TIGIT: variants seen among roughly 807,000 people sequenced by gnomAD.
TIGIT encodes the protein T-cell immunoreceptor with Ig and ITIM domains.
In TIGIT, 11 loss-of-function variants were observed where a neutral mutation model predicts 19.6. That is an observed-to-expected ratio of 0.56 (90% confidence interval 0.35 to 0.93). TIGIT has a LOEUF of 0.93. TIGIT is among the 40% of genes least tolerant of loss of function. The pLI is 0.01. For synonymous variants in TIGIT, 130 were observed against 125.5 expected (o/e 1.04, Z -0.24); for missense variants, 295 against 303.9 (o/e 0.97, Z 0.22).
At chr3:114,304,169 A>G (rs1279920598) in intron 3 of TIGIT, among the ~76,000 whole-genome samples, 1 of 151,908 alleles carries the variant, frequency 6.6e-6, no homozygotes, top group African/African-American at 2.4e-5. Context: ...TTGGATATAT[A>G]ATTTACAAAT....
chr3:114,299,449 A>G, intron 2 of TIGIT, 148 bp from the exon 3 acceptor site: 1 of 613,552 alleles, frequency 1.6e-6, no homozygotes, highest in African/African-American at 1.8e-5. Flanking sequence ...TCTGCTGTTC[A>G]AAGTGTTGGG....
intron 1 of TIGIT, among the ~76,000 whole-genome samples, chr3:114,295,204 A>G (rs919825638): frequency 6.6e-6 from 1 of 152,074 alleles, no homozygotes; most frequent in Non-Finnish European, 1.5e-5. Context: ...GGCGAGGTGT[A>G]AAGAGGGGCA....
chr3:114,308,043 G>C lies in TIGIT; in HGVS notation c.647G>C (p.Gly216Ala), dbSNP rs1210010014. 1 of 1,614,054 alleles carries C rather than the reference G, an allele frequency of 6.2e-7. No individual in the cohort carries two copies. The highest frequency in any genetic ancestry group is 2.2e-5 in the East Asian group (1 of 44,888). Residue 216 changes from glycine to alanine, a missense_variant, in exon 4 of 4, where the codon GGA (glycine) becomes GCA (alanine). By Grantham distance (60) the Gly-to-Ala change is moderately conservative. Transcript: ENST00000383671. ...APAGLCGEQR[G>A]EDCAELHDYF... is the part of the protein sequence containing the mutation. ...GCTGGGCTCTGTGGAGAGCAGCGGG[G>C]AGAGGACTGTGCCGAGCTGCATGAC... is the stretch of plus-strand genomic sequence containing the variant.
At chr3:114,304,419 C>A (rs766218211) in intron 3 of TIGIT, among the ~76,000 whole-genome samples, 2 of 152,146 alleles carry the variant, frequency 1.3e-5, no homozygotes, top group Non-Finnish European at 2.9e-5. Context: ...CATAGTTTGC[C>A]AAAGCAGTGT....
In TIGIT at chr3:114,308,417, C is replaced by A; in HGVS notation, c.*286C>A. On this transcript the variant is annotated 3_prime_UTR_variant, in exon 4 of 4. Coordinates refer to ENST00000383671, the MANE Select transcript of TIGIT (RefSeq NM_173799.4). ...CTGGTTTTAAATCTGGCAGTTTGAG[C>A]AGATCCTATGTCTCTGAGAGACACA... is the stretch of plus-strand genomic sequence containing the variant. The A allele has an allele frequency of 3.2e-6, 1 of 309,256 alleles. No individual in the cohort carries two copies. The highest frequency in any genetic ancestry group is 6.1e-6 in the Non-Finnish European group (1 of 164,208). 19.2% of individuals were successfully genotyped at this position (309,256 alleles called of 1,614,324 possible). A position where few individuals can be genotyped will look rare whatever the true frequency, so the allele number is the denominator to read the frequency against.
At chr3:114,306,987 A>G (rs765616708) in intron 3 of TIGIT, among the ~76,000 whole-genome samples, 1 of 152,232 alleles carries the variant, frequency 6.6e-6, no homozygotes, top group African/African-American at 2.4e-5. Context: ...GTCCAGAGAC[A>G]GTGAGGATGA....
rs146957667 is a variant in TIGIT, at chr3:114,299,652, G to A, written c.447G>A (p.Thr149=). The A allele has an allele frequency of 1.0e-4, 169 of 1,613,300 alleles. No individual in the cohort carries two copies. Among genetic ancestry groups the A allele is most frequent in the South Asian group, 4.1e-4 (37 of 91,078 alleles). The change falls in exon 3 of 4, where the codon ACG becomes ACA. Residue 149 remains threonine, a synonymous_variant. Transcript: ENST00000383671. The part of the protein sequence containing the change: ...QIPLLGAMAA[T]LVVICTAVIV... ...CATTGCTTGGAGCCATGGCCGCGAC[G>A]CTGGTGGTCATCTGCACAGCAGTCA...
rs2078560931 is a variant in TIGIT, at chr3:114,309,926, C to T, written c.*1795C>T. On this transcript the variant is annotated 3_prime_UTR_variant, in exon 4 of 4. Coordinates refer to ENST00000383671, the MANE Select transcript of TIGIT (RefSeq NM_173799.4). ...GGGATGGTGATAAAATACAAAAGGG[C>T]CTATAGATGTTAGAAATGGGTCAGG... 6.6e-6 allele frequency: 1 copy of T among 151,878 alleles called. No individual in the cohort carries two copies. Among genetic ancestry groups the T allele is most frequent in the Non-Finnish European group, 1.5e-5 (1 of 67,992 alleles). 9.4% of individuals were successfully genotyped at this position (151,878 alleles called of 1,614,324 possible).
intron 2 of TIGIT, chr3:114,296,156 A>G (rs1320330034): frequency 5.8e-6 from 2 of 347,284 alleles, no homozygotes; most frequent in Non-Finnish European, 1.0e-5. Flanking sequence ...CATCTTACCT[A>G]TATTTCCTAG....
chr3:114,298,368 C>T (rs2078468337), intron 2 of TIGIT, among the ~76,000 whole-genome samples: 1 of 152,212 alleles, frequency 6.6e-6, no homozygotes, highest in Admixed American at 6.5e-5. Context: ...TAACCAAACT[C>T]ATTATCATAA....
In TIGIT at chr3:114,310,123, A is replaced by C. The variant is rs2078562303; in HGVS notation, c.*1992A>C. The C allele has an allele frequency of 6.6e-6, 1 of 152,218 alleles. No individual in the cohort carries two copies. Among genetic ancestry groups the C allele is most frequent in the Non-Finnish European group, 1.5e-5 (1 of 68,040 alleles). 9.4% of individuals were successfully genotyped at this position (152,218 alleles called of 1,614,324 possible). A position where few individuals can be genotyped will look rare whatever the true frequency, so the allele number is the denominator to read the frequency against. On this transcript the variant is annotated 3_prime_UTR_variant, in exon 4 of 4. Transcript: ENST00000383671. Reference sequence around the variant, plus strand: ...GCCATCAACCACTTAAGATGGGGTTAGTTTAAATCAAGATGTGCTGTTATA... The same window carrying C: ...GCCATCAACCACTTAAGATGGGGTTCGTTTAAATCAAGATGTGCTGTTATA...
intron 3 of TIGIT, among the ~76,000 whole-genome samples, chr3:114,301,237 A>G (rs1455070387): frequency 2.6e-5 from 4 of 152,106 alleles, no homozygotes; most frequent in East Asian, 1.9e-4. Context: ...TTTACCCCAG[A>G]CCCTCCACCT....
intron 2 of TIGIT, among the ~76,000 whole-genome samples, chr3:114,296,750 T>A (rs2078455907): frequency 9.2e-5 from 14 of 152,196 alleles, no homozygotes. Flanking sequence ...AACACAGATG[T>A]TTTTGTTCTA....
At chr3:114,300,107 G>A (rs1576138903) in intron 3 of TIGIT, among the ~76,000 whole-genome samples, 1 of 152,316 alleles carries the variant, frequency 6.6e-6, no homozygotes, top group East Asian at 1.9e-4. Flanking sequence ...TACCCAGCAT[G>A]TCTGTAGAAT....
In TIGIT at chr3:114,295,861, CCT is replaced by C. The variant is rs777236098; in HGVS notation, c.379_380del (p.Leu127ArgfsTer6). 8 of 1,599,532 alleles carry C rather than the reference CCT, an allele frequency of 5.0e-6. No homozygotes were observed. The South Asian group carries it at 6.7e-5, about 13-fold the overall frequency. ...ACACTGGGAGAATCTTCCTGGAGGT[CCT>C]AGAAAGCTCAGGTATTCCTGCTGGA... ...TYTGRIFLEV[L>X]ESSVAEHGAR... On this transcript the variant is annotated frameshift_variant, in exon 2 of 4. Transcript: ENST00000383671. LOFTEE classifies it high-confidence loss of function.
At chr3:114,300,884 A>G (rs2078487913) in intron 3 of TIGIT, among the ~76,000 whole-genome samples, 1 of 152,278 alleles carries the variant, frequency 6.6e-6, no homozygotes, top group Non-Finnish European at 1.5e-5. Context: ...TCACCTCTTA[A>G]AAGCATTACC....
chr3:114,300,344 C>T (rs1471558658), intron 3 of TIGIT, among the ~76,000 whole-genome samples: 2 of 150,776 alleles, frequency 1.3e-5, no homozygotes, highest in East Asian at 3.9e-4. Context: ...TGCACTCCAG[C>T]GTGGGCAACA....
chr3:114,298,492 A>G (rs188303827), intron 2 of TIGIT, among the ~76,000 whole-genome samples: 75 of 152,268 alleles, frequency 4.9e-4, no homozygotes, highest in African/African-American at 1.7e-3. Flanking sequence ...CAAACTGATC[A>G]TATATCCTTT....
Position 114,305,852 on chromosome 3 carries a change from G to A in TIGIT, c.499-2043G>A, listed in dbSNP as rs2078530807. 2.7e-5 allele frequency among the ~76,000 whole-genome samples: 4 copies of A among 148,044 alleles called. No homozygotes were observed. The South Asian group carries it at 8.9e-4, about 33-fold the overall frequency. ...TGGTTGGATGGATGGATGGGTGGGT[G>A]GATGGATGGATGGATAGATAGATAG... is the stretch of plus-strand genomic sequence containing the variant. On this transcript the variant is annotated intron_variant, in intron 3 of 3. Coordinates refer to ENST00000383671, the MANE Select transcript of TIGIT (RefSeq NM_173799.4).
Sources: gnomAD v4.1 joint callset for allele counts (sites outside exome capture counted in the v4.1 genomes callset) on GRCh38, gnomAD v4.1.1 for gene constraint, MANE v1.5 for transcripts, NCBI Gene and HGNC (gene_info 2026-07-23, HGNC 2026-07-21) for gene names.